The following ZNF223 variants were observed in gnomAD, a reference collection of about 807,000 sequenced individuals.
ZNF223 encodes Homo sapiens zinc finger protein 223.
ZNF223 carries 9 observed loss-of-function variants against 12.3 expected under a neutral mutation model. The observed-to-expected ratio is 0.73, with a 90% CI of 0.44 to 1.28. The LOEUF (loss-of-function observed/expected upper bound fraction) is 1.28. Among genes scored for constraint, ZNF223 ranks in the 50% most tolerant of loss-of-function variants. The pLI is 0.00. For synonymous variants in ZNF223, 171 were observed against 195.2 expected, an observed-to-expected ratio of 0.88 and a Z score of 1.03; for missense variants, 506 against 579.0, an observed-to-expected ratio of 0.87 and a Z score of 1.29.
rs1976914952 is a variant in ZNF223, at chr19:44,066,471, C to CA, written c.644dup (p.Ser216GlufsTer20). 4 of 1,614,060 alleles carry CA rather than the reference C, an allele frequency of 2.5e-6. No individual in the cohort carries two copies. Among genetic ancestry groups the CA allele is most frequent in the African/African-American group, 1.3e-5 (1 of 74,914 alleles). ...TGACGTGTGTGGTAAGGAATTCAGT[C>CA]AGAGTTTACATCTGCAAACTCATCA... On this transcript the variant is annotated frameshift_variant, in exon 5 of 5. Coordinates refer to ENST00000434772, the MANE Select transcript of ZNF223 (RefSeq NM_013361.6). LOFTEE classifies it low-confidence loss of function (END_TRUNC).
intron 1 of ZNF223, among the ~76,000 whole-genome samples, chr19:44,053,109 T>C (rs1400843572): frequency 2.0e-5 from 3 of 152,168 alleles, no homozygotes; most frequent in Admixed American, 6.5e-5. Flanking sequence ...GAGTTTGATA[T>C]TGAAGGGGGC....
chr19:44,066,278 T>A lies in ZNF223; in HGVS notation c.450T>A (p.Cys150Ter). ...IMHTGQKPSN[C>*]GKCKQSFSDM... The stretch of plus-strand genomic sequence containing the variant: ...ACACAGGACAGAAACCTTCCAATTG[T>A]GGGAAGTGTAAACAATCCTTCAGTG... The change falls in exon 5 of 5, where the codon TGT (cysteine) becomes TGA (stop). Residue 150 changes from cysteine (C) to a stop codon, truncating the protein, a stop_gained. Transcript: ENST00000434772. LOFTEE classifies it low-confidence loss of function (END_TRUNC). The A allele has an allele frequency of 6.2e-7, 1 of 1,614,226 alleles. No individual in the cohort carries two copies. Among genetic ancestry groups the A allele is most frequent in the Non-Finnish European group, 8.5e-7 (1 of 1,180,036 alleles).
At position 44,055,096 on chromosome 19, in the gene ZNF223, T is replaced by G; in HGVS notation, c.-68-13T>G. The stretch of plus-strand genomic sequence containing the variant: ...TTTCATGTCTCTTTTTCTGTCTTCA[T>G]GGCACTTTCCAGGCACAATTCTGCT... On this transcript the variant is annotated splice_polypyrimidine_tract_variant and intron_variant, in intron 1 of 4. Transcript: ENST00000434772. 6.8e-7 allele frequency: 1 copy of G among 1,465,452 alleles called. No individual in the cohort carries two copies. The highest frequency in any genetic ancestry group is 9.5e-7 in the Non-Finnish European group (1 of 1,052,122). 90.8% of individuals were successfully genotyped at this position (1,465,452 alleles called of 1,614,324 possible).
intron 4 of ZNF223, among the ~76,000 whole-genome samples, chr19:44,062,873 A>G (rs1210226640): frequency 6.6e-6 from 1 of 152,228 alleles, no homozygotes; most frequent in African/African-American, 2.4e-5. Flanking sequence ...GAGGGGGAAG[A>G]ATGAGGATGA....
intron 4 of ZNF223, 137 bp from the exon 5 acceptor site, chr19:44,065,927 A>C: frequency 7.1e-7 from 1 of 1,417,422 alleles, no homozygotes; most frequent in Non-Finnish European, 9.3e-7. Context: ...CTCTCATGCA[A>C]ACCAGAAACC....
intron 1 of ZNF223, among the ~76,000 whole-genome samples, chr19:44,052,734 C>T (rs973140012): frequency 2.0e-5 from 3 of 152,058 alleles, no homozygotes; most frequent in African/African-American, 7.2e-5. Context: ...TAGCTTTCTG[C>T]AGCAAGGAAG....
intron 3 of ZNF223, 83 bp downstream of exon 3, chr19:44,060,664 G>A (rs935856769): frequency 6.2e-7 from 1 of 1,613,618 alleles, no homozygotes; most frequent in Admixed American, 1.7e-5. Context: ...TGAGTGTGCA[G>A]TGGGAACCTA....
chr19:44,064,426 G>C (rs1433449860), intron 4 of ZNF223, among the ~76,000 whole-genome samples: 1 of 152,040 alleles, frequency 6.6e-6, no homozygotes, highest in Non-Finnish European at 1.5e-5. Context: ...TACTCTTTCA[G>C]ATAACCAACT....
rs773724284 is a variant in ZNF223 at position 44,060,917 on chromosome 19, C to T, written c.235+76C>T. The T allele has an allele frequency of 8.8e-6, 12 of 1,370,404 alleles. No individual in the cohort carries two copies. The South Asian group carries it at 1.3e-4, about 15-fold the overall frequency. 84.9% of individuals were successfully genotyped at this position (1,370,404 alleles called of 1,614,324 possible). ...CTTCTGTGCACGTCCAACTCCATTA[C>T]CTTCTTCTAAATGGCCAAACATCTT... is the stretch of plus-strand genomic sequence containing the variant. On this transcript the variant is annotated intron_variant, in intron 4 of 4. Transcript: ENST00000434772.
At chr19:44,055,250 G>A in intron 2 of ZNF223, 59 bp downstream of exon 2, 1 of 1,591,928 alleles carries the variant, frequency 6.3e-7, no homozygotes. Flanking sequence ...AGATTGTTGT[G>A]TGTTTTTCTC....
At chr19:44,061,001 G>A in intron 4 of ZNF223, 160 bp downstream of exon 4, 1 of 654,932 alleles carries the variant, frequency 1.5e-6, no homozygotes, top group Non-Finnish European at 2.7e-6. Flanking sequence ...TTCCCACTCT[G>A]ACATCTGTTC....
At chr19:44,058,372 C>A (rs1599868481) in intron 2 of ZNF223, among the ~76,000 whole-genome samples, 2 of 152,134 alleles carry the variant, frequency 1.3e-5, no homozygotes, top group Admixed American at 1.3e-4. Context: ...TTGACTGACA[C>A]AATCTCTGCC....
rs957517942 is a variant in ZNF223, at chr19:44,067,809, T to C, written c.*532T>C. ...ACACTAATGATGAACATGTCAAAATTGATGACCACTAGAATGTCAGCCACA... is the reference window on the plus strand; with the variant it reads ...ACACTAATGATGAACATGTCAAAATCGATGACCACTAGAATGTCAGCCACA... On this transcript the variant is annotated 3_prime_UTR_variant, in exon 5 of 5. Transcript: ENST00000434772. 1 of 218,372 alleles carries C rather than the reference T, an allele frequency of 4.6e-6. No homozygotes were observed. 13.5% of individuals were successfully genotyped at this position (218,372 alleles called of 1,614,324 possible).
chr19:44,061,622 C>T (rs550708765), intron 4 of ZNF223, among the ~76,000 whole-genome samples: 11 of 152,224 alleles, frequency 7.2e-5, no homozygotes, highest in Non-Finnish European at 1.6e-4. Flanking sequence ...GTTGACTTTC[C>T]TACTTTCTGC....
rs763958439 is a variant in ZNF223 at position 44,067,129 on chromosome 19, G to A, written c.1301G>A (p.Gly434Glu). The change falls in exon 5 of 5, where the codon GGA (glycine) becomes GAA (glutamate). Residue 434 changes from glycine to glutamate, a missense_variant. Transcript: ENST00000434772. ...AAACCATTCAAATGTGAGGATTGTG[G>A]AAAGAAGCTTGTATACCGGTCATAC... ...RKKPFKCEDC[G>E]KKLVYRSYRK... 4.3e-6 allele frequency: 7 copies of A among 1,613,346 alleles called. No individual in the cohort carries two copies. Among genetic ancestry groups the A allele is most frequent in the Non-Finnish European group, 5.9e-6 (7 of 1,179,906 alleles).
At chr19:44,056,666 T>C (rs1976772442) in intron 2 of ZNF223, among the ~76,000 whole-genome samples, 1 of 125,368 alleles carries the variant, frequency 8.0e-6, no homozygotes, top group Admixed American at 9.4e-5. Context: ...CGATCTCAGC[T>C]CACTGCCAGC....
rs754672860 is a variant in ZNF223, at chr19:44,066,098, A to G, written c.270A>G (p.Pro90=). 5.0e-6 allele frequency: 8 copies of G among 1,600,198 alleles called. No individual in the cohort carries two copies. The East Asian group carries it at 1.8e-4, about 36-fold the overall frequency. ...TCCAACCTGAGATGAAGACTTTTCC[A>G]GAAGCAGGACCACATGAAGGGTGGT... ...GKIQPEMKTF[P]EAGPHEGWSC... The change falls in exon 5 of 5, where the codon CCA becomes CCG. Residue 90 remains proline, a synonymous_variant. Transcript: ENST00000434772.
intron 1 of ZNF223, among the ~76,000 whole-genome samples, chr19:44,054,324 A>C (rs1180619226): frequency 6.6e-6 from 1 of 152,092 alleles, no homozygotes; most frequent in Non-Finnish European, 1.5e-5. Context: ...GTCACTGGCC[A>C]AGAAGATGTC....
chr19:44,066,288 A>C lies in ZNF223; in HGVS notation c.460A>C (p.Lys154Gln), dbSNP rs1414368838. Residue 154 changes from lysine to glutamine, a missense_variant, in exon 5 of 5, where the codon AAA becomes CAA. By Grantham distance (53) the Lys-to-Gln change is moderately conservative. Coordinates refer to ENST00000434772, the MANE Select transcript of ZNF223 (RefSeq NM_013361.6). ...GQKPSNCGKC[K>Q]QSFSDMSIFD... ...GAAACCTTCCAATTGTGGGAAGTGT[A>C]AACAATCCTTCAGTGATATGTCCAT... 1 of 1,614,236 alleles carries C rather than the reference A, an allele frequency of 6.2e-7. No homozygotes were observed. Among genetic ancestry groups the C allele is most frequent in the South Asian group, 1.1e-5 (1 of 91,090 alleles).
Sources: gnomAD v4.1 joint callset for allele counts (sites outside exome capture counted in the v4.1 genomes callset) on GRCh38, gnomAD v4.1.1 for gene constraint, MANE v1.5 for transcripts, NCBI Gene and HGNC (gene_info 2026-07-23, HGNC 2026-07-21) for gene names.